Variants in GMDS observed in about 807,000 individuals in gnomAD.
The protein encoded by GMDS is GDP-mannose 4,6 dehydratase.
In GMDS, 20 loss-of-function variants were observed where a neutral mutation model predicts 49.9. That is an observed-to-expected ratio of 0.40 (90% CI 0.28 to 0.58). The LOEUF (loss-of-function observed/expected upper bound fraction) is 0.58, where lower values mean the gene tolerates loss of function less well. Ranked by LOEUF, GMDS falls within the 20% of genes least tolerant of loss-of-function variation. GMDS has a pLI of 0.42. For missense variants in GMDS, 362 were observed against 481.4 expected (o/e 0.75, Z 2.32); for synonymous variants, 177 against 178.6 (o/e 0.99, Z 0.07).
At chr6:1,834,536 C>T (rs1026464700) in intron 7 of GMDS, among the ~76,000 whole-genome samples, 11 of 152,052 alleles carry the variant, frequency 7.2e-5, no homozygotes, top group Non-Finnish European at 1.3e-4. Flanking sequence ...ATTTACAGTG[C>T]TTTTGTAAGA....
At chr6:1,783,601 C>G (rs537942299) in intron 7 of GMDS, among the ~76,000 whole-genome samples, 1 of 152,204 alleles carries the variant, frequency 6.6e-6, no homozygotes, top group Non-Finnish European at 1.5e-5. Context: ...AAAATGCACA[C>G]TGAATAAATT....
chr6:1,981,152 A>G (rs1302198489), intron 4 of GMDS, among the ~76,000 whole-genome samples: 2 of 152,080 alleles, frequency 1.3e-5, no homozygotes, highest in African/African-American at 4.8e-5. Flanking sequence ...AAGAGCAAAC[A>G]AACCCCAAAG....
chr6:1,890,974 AT>A (rs1759842138), intron 7 of GMDS, among the ~76,000 whole-genome samples: 1 of 152,132 alleles, frequency 6.6e-6, no homozygotes, highest in Admixed American at 6.5e-5. Context: ...TTCCCCACTG[AT>A]TTGTCTGGGT....
intron 7 of GMDS, among the ~76,000 whole-genome samples, chr6:1,927,814 C>T (rs141988383): frequency 7.6e-4 from 116 of 152,252 alleles, no homozygotes; most frequent in Non-Finnish European, 1.3e-3. Flanking sequence ...TGGCCTGTTT[C>T]TGAAATGTCA....
Position 1,926,992 on chromosome 6 carries a change from GAT to G in GMDS, c.771+3109_771+3110del, listed in dbSNP as rs1318027634. Among the ~76,000 whole-genome samples the G allele has an allele frequency of 1.3e-3, 132 of 103,252 alleles. 6 individuals are homozygous for G. The highest frequency in any genetic ancestry group is 1.7e-3 in the Non-Finnish European group (75 of 44,010). 67.7% of individuals were successfully genotyped at this position (103,252 alleles called of 152,430 possible). A position where few individuals can be genotyped will look rare whatever the true frequency, so the allele number is the denominator to read the frequency against. On this transcript the variant is annotated intron_variant, in intron 7 of 10. Transcript: ENST00000380815. Reference sequence around the variant, plus strand: ...ATTTTTATTCAGAGGGTAGCGTGTTGATGTATTTTTATTCAGAGGGTAGCGTG... The same window carrying G: ...ATTTTTATTCAGAGGGTAGCGTGTTGGTATTTTTATTCAGAGGGTAGCGTG...
intron 1 of GMDS, among the ~76,000 whole-genome samples, chr6:2,158,635 C>A (rs1472404737): frequency 6.6e-6 from 1 of 152,200 alleles, no homozygotes; most frequent in Non-Finnish European, 1.5e-5. Flanking sequence ...CTTTGGCTAT[C>A]TGCTGGCCAC....
intron 9 of GMDS, among the ~76,000 whole-genome samples, chr6:1,656,850 T>C (rs993182422): frequency 2.6e-5 from 4 of 152,042 alleles, no homozygotes; most frequent in African/African-American, 7.3e-5. Context: ...ACTGAGATAC[T>C]ACCTGTACAG....
At chr6:1,856,149 G>A (rs1757928711) in intron 7 of GMDS, among the ~76,000 whole-genome samples, 2 of 152,180 alleles carry the variant, frequency 1.3e-5, no homozygotes, top group African/African-American at 2.4e-5. Flanking sequence ...TGGAATTATG[G>A]CTGGTGAGGA....
intron 7 of GMDS, among the ~76,000 whole-genome samples, chr6:1,753,951 C>A (rs1767838663): frequency 6.6e-6 from 1 of 152,058 alleles, no homozygotes; most frequent in African/African-American, 2.4e-5. Context: ...AAAATCAACA[C>A]CATAACATCA....
intron 7 of GMDS, among the ~76,000 whole-genome samples, chr6:1,751,642 T>C (rs187418529): frequency 1.2e-4 from 18 of 152,240 alleles, no homozygotes; most frequent in Middle Eastern, 6.8e-3. Context: ...TACAGGCACA[T>C]GCCACCACAC....
intron 1 of GMDS, among the ~76,000 whole-genome samples, chr6:2,182,552 T>C (rs900755985): frequency 2.0e-5 from 3 of 152,346 alleles, no homozygotes; most frequent in South Asian, 2.1e-4. Flanking sequence ...CAGTGTTTAT[T>C]TGCAATTCCA....
chr6:1,655,257 C>T (rs1017547754), intron 9 of GMDS, among the ~76,000 whole-genome samples: 1 of 152,060 alleles, frequency 6.6e-6, no homozygotes, highest in East Asian at 1.9e-4. Flanking sequence ...GTGCCTAGCA[C>T]AGTGCTGGTT....
intron 7 of GMDS, among the ~76,000 whole-genome samples, chr6:1,855,201 C>G (rs1373643191): frequency 1.3e-5 from 2 of 152,150 alleles, no homozygotes; most frequent in African/African-American, 4.8e-5. Flanking sequence ...GCCTGTATGA[C>G]CTGCTCTGGG....
intron 9 of GMDS, among the ~76,000 whole-genome samples, chr6:1,636,688 G>A (rs140916085): frequency 5.3e-4 from 80 of 152,342 alleles, no homozygotes; most frequent in Non-Finnish European, 1.1e-3. Flanking sequence ...ATGAGCCTAG[G>A]ATTGGGGGCA....
At chr6:2,126,348 T>C (rs1247256561) in intron 1 of GMDS, among the ~76,000 whole-genome samples, 1 of 152,210 alleles carries the variant, frequency 6.6e-6, no homozygotes, top group African/African-American at 2.4e-5. Flanking sequence ...TTGGGGACGT[T>C]TGGGTTTTCT....
chr6:1,960,055 G>T lies in GMDS; in HGVS notation c.539-84C>A. 4.1e-6 allele frequency: 3 copies of T among 739,888 alleles called. No homozygotes were observed. The Admixed American group carries it at 8.1e-5, about 20-fold the overall frequency. 45.8% of individuals were successfully genotyped at this position (739,888 alleles called of 1,614,324 possible). A position where few individuals can be genotyped will look rare whatever the true frequency, so the allele number is the denominator to read the frequency against. On this transcript the variant is annotated intron_variant, in intron 5 of 10. Transcript: ENST00000380815. ...CATCTTCAACAGTAACATCTTGGCCGAAATAATAACTTGTAATGCATCCAA... is the reference window on the plus strand; with the variant it reads ...CATCTTCAACAGTAACATCTTGGCCTAAATAATAACTTGTAATGCATCCAA...
chr6:1,978,383 TG>T (rs1251305332), intron 4 of GMDS, among the ~76,000 whole-genome samples: 8 of 152,154 alleles, frequency 5.3e-5, no homozygotes, highest in African/African-American at 1.9e-4. Context: ...GGCCACCACC[TG>T]GGTTGGTTGG....
chr6:1,855,478 A>C (rs1454987960), intron 7 of GMDS, among the ~76,000 whole-genome samples: 1 of 152,232 alleles, frequency 6.6e-6, no homozygotes, highest in East Asian at 1.9e-4. Flanking sequence ...TCTATTCTAG[A>C]ACAGAGATCA....
rs570619809 is a variant in GMDS, at chr6:2,099,783, A to G, written c.345+15988T>C. 5.3e-5 allele frequency among the ~76,000 whole-genome samples: 8 copies of G among 152,226 alleles called. No individual in the cohort carries two copies. In the East Asian group the frequency reaches 1.5e-3, roughly 29 times the overall value. ...AAGATAACTTTATATAAAGTTTTAA[A>G]TATTTCTTGAGAAAAACCATTATAT... On this transcript the variant is annotated intron_variant, in intron 4 of 10. Transcript: ENST00000380815.
Sources: gnomAD v4.1 joint callset for allele counts (sites outside exome capture counted in the v4.1 genomes callset) on GRCh38, gnomAD v4.1.1 for gene constraint, MANE v1.5 for transcripts, NCBI Gene and HGNC (gene_info 2026-07-23, HGNC 2026-07-21) for gene names.